The following METTL24 variants were observed in gnomAD, a reference collection of about 807,000 sequenced individuals.
METTL24 encodes methyltransferase like 24, also known as probable methyltransferase-like protein 24.
Under a neutral mutation model 32.7 loss-of-function variants are expected in METTL24, and 29 were observed. That is an observed-to-expected ratio of 0.89 (90% CI 0.66 to 1.21). The LOEUF is 1.21. METTL24 is among the 50% of genes most tolerant of loss of function. The pLI, the probability that METTL24 is intolerant of heterozygous loss-of-function variation, is 0.00. For synonymous variants in METTL24, 163 were observed against 179.5 expected (o/e 0.91, Z 0.73); for missense variants, 439 against 468.1 (o/e 0.94, Z 0.57).
intron 4 of METTL24, among the ~76,000 whole-genome samples, chr6:110,287,019 C>A (rs991183873): frequency 6.6e-6 from 1 of 152,130 alleles, no homozygotes; most frequent in Non-Finnish European, 1.5e-5. Flanking sequence ...ATATATGTAT[C>A]TATTCCATTG....
chr6:110,323,945 C>A (rs1182520996), intron 1 of METTL24, among the ~76,000 whole-genome samples: 2 of 152,148 alleles, frequency 1.3e-5, no homozygotes, highest in Non-Finnish European at 2.9e-5. Context: ...ACACAGTGTT[C>A]TCCAGTCAGG....
At chr6:110,304,588 A>G (rs928961383) in intron 3 of METTL24, among the ~76,000 whole-genome samples, 3 of 152,214 alleles carry the variant, frequency 2.0e-5, no homozygotes, top group Non-Finnish European at 4.4e-5. Flanking sequence ...AGATCGACTT[A>G]ATGAAATAAA....
intron 4 of METTL24, among the ~76,000 whole-genome samples, chr6:110,277,142 C>T (rs992428839): frequency 6.6e-5 from 10 of 152,114 alleles, no homozygotes; most frequent in Admixed American, 3.3e-4. Context: ...AAGCCCAGAG[C>T]GCTTTTCTTC....
chr6:110,356,473 A>G (rs1451531779), intron 1 of METTL24, among the ~76,000 whole-genome samples: 1 of 152,088 alleles, frequency 6.6e-6, no homozygotes, highest in Non-Finnish European at 1.5e-5. Flanking sequence ...AAAGAAAAGA[A>G]AAGAAAAAGA....
intron 4 of METTL24, chr6:110,254,069 T>A (rs952582067): frequency 2.9e-6 from 2 of 698,134 alleles, no homozygotes; most frequent in Non-Finnish European, 4.1e-6. Context: ...TTAAAAAAAA[T>A]ATGAAAGCCT....
At chr6:110,265,872 C>T (rs1340287802) in intron 4 of METTL24, among the ~76,000 whole-genome samples, 1 of 151,708 alleles carries the variant, frequency 6.6e-6, no homozygotes, top group African/African-American at 2.4e-5. Flanking sequence ...CCTCCTCCTC[C>T]TCCTTCTTCC....
At chr6:110,285,119 T>C (rs1234912685) in intron 4 of METTL24, among the ~76,000 whole-genome samples, 1 of 152,248 alleles carries the variant, frequency 6.6e-6, no homozygotes. Context: ...GGTGGTTTTT[T>C]CCTGCAGAAT....
chr6:110,249,875 T>C (rs1022830235), intron 4 of METTL24, among the ~76,000 whole-genome samples: 6 of 152,042 alleles, frequency 3.9e-5, no homozygotes, highest in African/African-American at 1.2e-4. Flanking sequence ...AACAACTTAA[T>C]TGGTATGATT....
At chr6:110,337,479 G>A (rs188879998) in intron 1 of METTL24, among the ~76,000 whole-genome samples, 45 of 152,286 alleles carry the variant, frequency 3.0e-4, no homozygotes, top group South Asian at 6.2e-4. Context: ...TTATCATTAT[G>A]AATGTACCCC....
At chr6:110,336,237 C>G (rs796663878) in intron 1 of METTL24, among the ~76,000 whole-genome samples, 80 of 152,328 alleles carry the variant, frequency 5.3e-4, no homozygotes, top group African/African-American at 1.9e-3. Context: ...GGGCAGGGGC[C>G]AGCCCGAGTC....
At position 110,320,026 on chromosome 6, in the gene METTL24, T is replaced by C. The variant is rs536232070; in HGVS notation, c.417+2748A>G. On this transcript the variant is annotated intron_variant, in intron 2 of 4. Transcript: ENST00000338882. Reference sequence around the variant, plus strand: ...GTGTGGAGGGGTGTTTTATTGAGGCTTAATATCCCAAGGCCTGGCACAGTG... The same window carrying C: ...GTGTGGAGGGGTGTTTTATTGAGGCCTAATATCCCAAGGCCTGGCACAGTG... 1.3e-4 allele frequency among the ~76,000 whole-genome samples: 20 copies of C among 152,250 alleles called. No homozygotes were observed. The South Asian group carries it at 3.9e-3, about 30-fold the overall frequency.
chr6:110,314,748 G>A (rs889594636), intron 3 of METTL24, among the ~76,000 whole-genome samples: 2 of 152,090 alleles, frequency 1.3e-5, no homozygotes, highest in African/African-American at 2.4e-5. Context: ...GATTGCTTGA[G>A]CTCAGGAGTT....
intron 4 of METTL24, among the ~76,000 whole-genome samples, chr6:110,281,232 G>A (rs1272086321): frequency 2.0e-5 from 3 of 152,096 alleles, no homozygotes; most frequent in Non-Finnish European, 4.4e-5. Flanking sequence ...AGATGAGAAA[G>A]TTTAGGCAAG....
chr6:110,305,230 G>T (rs1287282710), intron 3 of METTL24, among the ~76,000 whole-genome samples: 1 of 152,046 alleles, frequency 6.6e-6, no homozygotes, highest in Non-Finnish European at 1.5e-5. Context: ...AACCCTAGAA[G>T]AAAACCTAGG....
rs528025439 is a variant in METTL24 at position 110,298,814 on chromosome 6, C to T, written c.786+108G>A. 8.0e-6 allele frequency: 7 copies of T among 877,238 alleles called. No individual in the cohort carries two copies. In the East Asian group the frequency reaches 1.3e-4, roughly 17 times the overall value. 54.3% of individuals were successfully genotyped at this position (877,238 alleles called of 1,614,324 possible). On this transcript the variant is annotated intron_variant, in intron 4 of 4. Coordinates refer to ENST00000338882, the MANE Select transcript of METTL24 (RefSeq NM_001123364.3). ...GTTGGGTGATTAGTAAGATTAAAAT[C>T]GGACCTTCAGCTATCCAATGTCAAT...
intron 1 of METTL24, among the ~76,000 whole-genome samples, chr6:110,350,059 T>C (rs576799993): frequency 2.0e-5 from 3 of 152,316 alleles, no homozygotes; most frequent in Admixed American, 2.0e-4. Context: ...ATCCAAACTC[T>C]CATGCAGGTG....
rs992299901 is a variant in METTL24, at chr6:110,358,040, C to G, written c.233G>C (p.Ser78Thr). Residue 78 changes from serine to threonine, a missense_variant, in exon 1 of 5, where the codon AGC becomes ACC. Coordinates refer to ENST00000338882, the MANE Select transcript of METTL24 (RefSeq NM_001123364.3). ...GCCCCCCGGCGGCGCCCGGCGACCG[C>G]TGCGCACGTAGGTCACCTGCCTCCT... Reference protein sequence around the residue: ...ASRRQVTYVRSGRRAPPGGGG... With the variant: ...ASRRQVTYVRTGRRAPPGGGG... The G allele has an allele frequency of 8.3e-5, 92 of 1,114,060 alleles. No homozygotes were observed. Among genetic ancestry groups the G allele is most frequent in the Non-Finnish European group, 9.4e-5 (86 of 914,044 alleles). The allele number at this position is 1,114,060 out of a possible 1,614,324, so 69.0% of individuals were successfully genotyped here. A position where few individuals can be genotyped will look rare whatever the true frequency, so the allele number is the denominator to read the frequency against.
intron 1 of METTL24, among the ~76,000 whole-genome samples, chr6:110,355,892 ATGAG>A (rs1772688280): frequency 6.6e-6 from 1 of 152,106 alleles, no homozygotes; most frequent in Non-Finnish European, 1.5e-5. Flanking sequence ...CCTAGCAGGG[ATGAG>A]TGTGAACCTC....
At chr6:110,292,344 G>A (rs940996549) in intron 4 of METTL24, among the ~76,000 whole-genome samples, 2 of 152,120 alleles carry the variant, frequency 1.3e-5, no homozygotes, top group South Asian at 2.1e-4. Flanking sequence ...ATATTCCTGC[G>A]ACTTTTTATC....
Sources: gnomAD v4.1 joint callset for allele counts (sites outside exome capture counted in the v4.1 genomes callset) on GRCh38, gnomAD v4.1.1 for gene constraint, MANE v1.5 for transcripts, NCBI Gene and HGNC (gene_info 2026-07-23, HGNC 2026-07-21) for gene names.